The following TTC39B variants were observed in gnomAD, a reference collection of about 807,000 sequenced individuals.
TTC39B encodes tetratricopeptide repeat protein 39B.
Under a neutral mutation model 96.6 loss-of-function variants are expected in TTC39B, and 92 were observed. That is an observed-to-expected ratio of 0.95 (90% confidence interval 0.80 to 1.13). The LOEUF (loss-of-function observed/expected upper bound fraction) is 1.13. TTC39B is among the 50% of genes most tolerant of loss of function. The pLI is 0.00. For synonymous variants in TTC39B, 367 were observed against 299.4 expected (o/e 1.23, Z -2.33); for missense variants, 955 against 809.3 (o/e 1.18, Z -2.18).
At chr9:15,166,160 G>T (rs897851298) in exon 20 of TTC39B, 1 of 152,260 alleles carries the variant, frequency 6.6e-6, no homozygotes, top group Non-Finnish European at 1.5e-5. Flanking sequence ...AAGGTATATT[G>T]TATGTTAATA....
rs151101246 is a variant in TTC39B at position 15,255,100 on chromosome 9, C to G, written c.275+12814G>C. Among the ~76,000 whole-genome samples, 41 of 151,982 alleles carry G rather than the reference C, an allele frequency of 2.7e-4. No homozygotes were observed. The East Asian group carries it at 7.7e-3, about 29-fold the overall frequency. On this transcript the variant is annotated intron_variant, in intron 2 of 19. Coordinates refer to ENST00000512701, the Ensembl canonical transcript of TTC39B. ...ATCAGGTAATTTTAAAAGACCGCTG[C>G]TGGTATGAATATTTTCATTCTAGAC...
At chr9:15,225,048 G>T (rs192033913) in intron 3 of TTC39B, among the ~76,000 whole-genome samples, 2 of 152,064 alleles carry the variant, frequency 1.3e-5, no homozygotes, top group Non-Finnish European at 2.9e-5. Context: ...TCATGTACTA[G>T]AACAGCTTTA....
chr9:15,237,478 T>C (rs1326509793), intron 2 of TTC39B, among the ~76,000 whole-genome samples: 2 of 151,828 alleles, frequency 1.3e-5, no homozygotes, highest in Non-Finnish European at 2.9e-5. Flanking sequence ...GAAATACAAA[T>C]GATCATAAGA....
At chr9:15,188,857 T>C (rs1271506289) in intron 13 of TTC39B, among the ~76,000 whole-genome samples, 1 of 152,214 alleles carries the variant, frequency 6.6e-6, no homozygotes, top group African/African-American at 2.4e-5. Context: ...ATCTGTCTTC[T>C]ATAAATGTAC....
chr9:15,300,541 C>T (rs190992149), intron 1 of TTC39B, among the ~76,000 whole-genome samples: 1 of 152,188 alleles, frequency 6.6e-6, no homozygotes. Context: ...ATCCACTTCA[C>T]CAGATTTATC....
chr9:15,302,798 C>G (rs1197870267), intron 1 of TTC39B, among the ~76,000 whole-genome samples: 1 of 149,048 alleles, frequency 6.7e-6, no homozygotes, highest in South Asian at 2.2e-4. Flanking sequence ...GAGCCGAGAT[C>G]ATGCCATTGC....
chr9:15,223,612 C>G (rs1437186963), intron 3 of TTC39B, among the ~76,000 whole-genome samples: 4 of 152,186 alleles, frequency 2.6e-5, no homozygotes, highest in Non-Finnish European at 5.9e-5. Flanking sequence ...GCTTCCTCCA[C>G]TTTGCCAAGT....
intron 1 of TTC39B, among the ~76,000 whole-genome samples, chr9:15,305,132 T>C (rs1326924412): frequency 6.6e-6 from 1 of 152,222 alleles, no homozygotes; most frequent in African/African-American, 2.4e-5. Context: ...GTTAGAGTTC[T>C]TCAAGCCCAT....
At chr9:15,183,529 T>C (rs552456873) in intron 16 of TTC39B, 4 of 330,504 alleles carry the variant, frequency 1.2e-5, no homozygotes, top group East Asian at 1.8e-4. Flanking sequence ...TCTACTTCCA[T>C]AGACCTGGAG....
chr9:15,187,820 G>C, intron 14 of TTC39B, 151 bp downstream of exon 14: 1 of 741,444 alleles, frequency 1.3e-6, no homozygotes, highest in South Asian at 2.8e-5. Context: ...CCTATAAATA[G>C]TGGGTACTTA....
intron 1 of TTC39B, among the ~76,000 whole-genome samples, chr9:15,297,077 C>G (rs535394987): frequency 6.6e-6 from 1 of 152,324 alleles, no homozygotes; most frequent in Admixed American, 6.5e-5. Flanking sequence ...GGCTGGAACA[C>G]ACTCACAGCA....
chr9:15,266,469 T>G (rs1823134647), intron 2 of TTC39B, among the ~76,000 whole-genome samples: 3 of 152,206 alleles, frequency 2.0e-5, no homozygotes, highest in Middle Eastern at 3.2e-3. Context: ...TGCAATGTAT[T>G]TTTAAAATAA....
At chr9:15,292,775 T>C (rs1331756995) in intron 1 of TTC39B, among the ~76,000 whole-genome samples, 2 of 152,214 alleles carry the variant, frequency 1.3e-5, no homozygotes, top group East Asian at 3.8e-4. Flanking sequence ...TGAATAAGGA[T>C]ATAAAGAAAA....
rs569163628 is a variant in TTC39B, at chr9:15,201,828, A to G, written c.760-1903T>C. The stretch of plus-strand genomic sequence containing the variant: ...AAAAAGTACCCCCCTCATTTGTGAC[A>G]TTCTGATACAGAATACTGCCATACT... On this transcript the variant is annotated intron_variant, in intron 7 of 19. Transcript: ENST00000512701. Among the ~76,000 whole-genome samples, 4 of 152,208 alleles carry G rather than the reference A, an allele frequency of 2.6e-5. No individual in the cohort carries two copies. In the East Asian group the frequency reaches 7.7e-4, roughly 29 times the overall value.
chr9:15,288,747 C>G (rs1170935600), intron 1 of TTC39B, among the ~76,000 whole-genome samples: 1 of 152,242 alleles, frequency 6.6e-6, no homozygotes, highest in Admixed American at 6.5e-5. Flanking sequence ...ACACATGCCA[C>G]TTGGGCTTTG....
chr9:15,245,896 T>C (rs1822251596), intron 2 of TTC39B, among the ~76,000 whole-genome samples: 1 of 152,158 alleles, frequency 6.6e-6, no homozygotes, highest in African/African-American at 2.4e-5. Flanking sequence ...AATTACCACC[T>C]AAATTTCTCT....
intron 1 of TTC39B, among the ~76,000 whole-genome samples, chr9:15,301,710 C>T (rs181161948): frequency 0.016 from 2,385 of 150,800 alleles, 31 homozygotes; most frequent in Non-Finnish European, 0.025. Flanking sequence ...GAGCTGAGAT[C>T]GTGCCACTGC....
chr9:15,303,393 T>C (rs1175068281), intron 1 of TTC39B, among the ~76,000 whole-genome samples: 1 of 150,878 alleles, frequency 6.6e-6, no homozygotes, highest in Non-Finnish European at 1.5e-5. Flanking sequence ...TTTTTTTTTT[T>C]TGAAACGGGG....
At chr9:15,177,867 ATC>A in intron 17 of TTC39B, 53 bp from the exon 18 acceptor site, 9 of 951,080 alleles carry the variant, frequency 9.5e-6, no homozygotes, top group South Asian at 1.6e-5. Flanking sequence ...ACTTTTTAAG[ATC>A]TTTTTTTTTT....
Sources: allele counts gnomAD v4.1 joint callset (sites outside exome capture counted in the v4.1 genomes callset), GRCh38; gene constraint gnomAD v4.1.1; transcripts MANE v1.5; gene names NCBI Gene and HGNC (gene_info 2026-07-23, HGNC 2026-07-21).